YWHAQ: variants seen among roughly 807,000 people sequenced by gnomAD.
The protein encoded by YWHAQ is 14-3-3 protein theta.
YWHAQ carries 6 observed loss-of-function variants against 28.3 expected under a neutral mutation model. The ratio of observed to expected loss-of-function variants is 0.21; its 90% CI spans 0.12 to 0.42. The LOEUF is 0.42. Among genes scored for constraint, YWHAQ ranks in the 10% least tolerant of loss-of-function variants. The probability of loss-of-function intolerance (pLI) is 1.00; values close to 1 mark genes in which losing one functional copy is unlikely to be tolerated. For missense variants in YWHAQ, 201 were observed against 305.6 expected (o/e 0.66, Z 2.55); for synonymous variants, 143 against 119.1 (o/e 1.20, Z -1.31).
At chr2:9,598,282 C>T (rs1311079982) in intron 2 of YWHAQ, among the ~76,000 whole-genome samples, 3 of 152,122 alleles carry the variant, frequency 2.0e-5, no homozygotes, top group African/African-American at 7.2e-5. Context: ...TCATTTAATC[C>T]TATACCAAAT....
chr2:9,611,736 T>A (rs922925620), intron 2 of YWHAQ, among the ~76,000 whole-genome samples: 6 of 152,208 alleles, frequency 3.9e-5, no homozygotes, highest in Non-Finnish European at 5.9e-5. Context: ...AGTGGTGCGA[T>A]GTCAGCTCAC....
At position 9,604,465 on chromosome 2, in the gene YWHAQ, T is replaced by C. The variant is rs149510706; in HGVS notation, c.295-12950A>G. Among the ~76,000 whole-genome samples the C allele has an allele frequency of 9.2e-5, 14 of 152,330 alleles. No individual in the cohort carries two copies. The East Asian group carries it at 2.7e-3, about 29-fold the overall frequency. ...GGGCCAGTAATTTGGTTTTAGAGTA[T>C]GAGTTTAGATCAAGTTCCTCAGTTT... On this transcript the variant is annotated intron_variant, in intron 2 of 5. Transcript: ENST00000238081.
intron 2 of YWHAQ, among the ~76,000 whole-genome samples, chr2:9,628,187 A>G (rs1176017394): frequency 6.6e-6 from 1 of 152,202 alleles, no homozygotes; most frequent in Non-Finnish European, 1.5e-5. Flanking sequence ...TTGGCCACCA[A>G]GCCCCAGTTA....
intron 3 of YWHAQ, among the ~76,000 whole-genome samples, chr2:9,590,319 A>G (rs896812849): frequency 2.6e-5 from 4 of 152,232 alleles, no homozygotes; most frequent in African/African-American, 9.6e-5. Flanking sequence ...CAGTAACAGA[A>G]TAAGTAAGTT....
intron 2 of YWHAQ, among the ~76,000 whole-genome samples, chr2:9,611,781 G>A (rs1459779984): frequency 1.3e-5 from 2 of 152,008 alleles, no homozygotes; most frequent in Admixed American, 6.5e-5. Context: ...AGCGATTCTC[G>A]TGCCTCAGCC....
intron 2 of YWHAQ, among the ~76,000 whole-genome samples, chr2:9,623,349 C>T (rs1045543427): frequency 3.9e-5 from 6 of 152,166 alleles, no homozygotes; most frequent in East Asian, 1.9e-4. Context: ...TGGAAAAAAC[C>T]GCACATCTTT....
chr2:9,621,849 A>C (rs1434297736), intron 2 of YWHAQ, among the ~76,000 whole-genome samples: 7 of 152,222 alleles, frequency 4.6e-5, no homozygotes, highest in Admixed American at 3.3e-4. Context: ...ATGGAATACT[A>C]TGCAACCATA....
intron 2 of YWHAQ, among the ~76,000 whole-genome samples, chr2:9,595,659 T>C (rs905014756): frequency 4.8e-5 from 7 of 146,768 alleles, no homozygotes; most frequent in African/African-American, 1.5e-4. Context: ...AGCTGAGATA[T>C]TGCACTCCAG....
chr2:9,587,000 A>G (rs1271259383), intron 5 of YWHAQ, among the ~76,000 whole-genome samples: 2 of 152,230 alleles, frequency 1.3e-5, no homozygotes, highest in Non-Finnish European at 2.9e-5. Context: ...AAATGCTTGT[A>G]GAACATCATG....
intron 2 of YWHAQ, among the ~76,000 whole-genome samples, chr2:9,616,326 A>G (rs924277028): frequency 2.0e-5 from 3 of 152,202 alleles, no homozygotes; most frequent in African/African-American, 7.2e-5. Flanking sequence ...AAAATGGACT[A>G]AAGACCTAAA....
At chr2:9,616,146 A>C (rs1465425347) in intron 2 of YWHAQ, among the ~76,000 whole-genome samples, 2 of 152,214 alleles carry the variant, frequency 1.3e-5, no homozygotes, top group African/African-American at 2.4e-5. Context: ...AGAAATCATG[A>C]GTTTTCCTTA....
At position 9,630,576 on chromosome 2, in the gene YWHAQ, G is replaced by A. The variant is rs1398712131; in HGVS notation, c.-82-42C>T. 31 of 985,636 alleles carry A rather than the reference G, an allele frequency of 3.1e-5. No homozygotes were observed. The highest frequency in any genetic ancestry group is 3.1e-4 in the Middle Eastern group (1 of 3,228). The allele number at this position is 985,636 out of a possible 1,614,324, so 61.1% of individuals were successfully genotyped here. A position where few individuals can be genotyped will look rare whatever the true frequency, so the allele number is the denominator to read the frequency against. On this transcript the variant is annotated intron_variant, in intron 1 of 5. Transcript: ENST00000238081. This position sits in a 1 kb window ranked among gnomAD's most constrained non-coding sequence, Gnocchi z 5.6. ...CGGCGAGGCGAGAACAAAAAGCAGA[G>A]AGGGAGCGCCGTCAGACAATGCGGC...
intron 5 of YWHAQ, among the ~76,000 whole-genome samples, chr2:9,586,632 C>T (rs890317564): frequency 3.3e-5 from 5 of 152,182 alleles, no homozygotes; most frequent in African/African-American, 1.2e-4. Flanking sequence ...GCAGGGTCTT[C>T]GTTCCCCTTT....
chr2:9,597,634 CAA>C (rs562319001), intron 2 of YWHAQ, among the ~76,000 whole-genome samples: 22 of 75,306 alleles, frequency 2.9e-4, no homozygotes, highest in African/African-American at 3.9e-4. Flanking sequence ...AACTCCGTCT[CAA>C]AAAAAAAAAA....
At chr2:9,614,727 T>A (rs1209480957) in intron 2 of YWHAQ, among the ~76,000 whole-genome samples, 1 of 152,236 alleles carries the variant, frequency 6.6e-6, no homozygotes, top group African/African-American at 2.4e-5. Flanking sequence ...TATGGCAAAC[T>A]GAATTAAGCC....
chr2:9,597,430 G>A (rs1452772768), intron 2 of YWHAQ, among the ~76,000 whole-genome samples: 7 of 152,060 alleles, frequency 4.6e-5, no homozygotes, highest in Admixed American at 1.3e-4. Context: ...GGCGGATCAC[G>A]AGGTCAGGAG....
Position 9,591,518 on chromosome 2 carries a change from GAAAT to G in YWHAQ, c.295-7_295-4del, listed in dbSNP as rs747405548. 8.1e-6 allele frequency: 13 copies of G among 1,604,980 alleles called. No homozygotes were observed. In the South Asian group the frequency reaches 1.4e-4, roughly 18 times the overall value. ...ATTAAATATTTATCCAACAATTCCT[GAAAT>G]AAATAAGACAGAACATTAGGCACTA... On this transcript the variant is annotated splice_polypyrimidine_tract_variant and splice_region_variant and intron_variant, in intron 2 of 5. Coordinates refer to ENST00000238081, the MANE Select transcript of YWHAQ (RefSeq NM_006826.4).
At chr2:9,612,311 G>T (rs187071217) in intron 2 of YWHAQ, among the ~76,000 whole-genome samples, 1 of 152,066 alleles carries the variant, frequency 6.6e-6, no homozygotes, top group Non-Finnish European at 1.5e-5. Flanking sequence ...TTGCGGGCAC[G>T]TTAACTCCTT....
chr2:9,600,868 A>C (rs1191855016), intron 2 of YWHAQ, among the ~76,000 whole-genome samples: 1 of 152,216 alleles, frequency 6.6e-6, no homozygotes, highest in Non-Finnish European at 1.5e-5. Context: ...CAAAAAGATA[A>C]GGACTTCTAA....
Sources: gnomAD v4.1 joint callset for allele counts (sites outside exome capture counted in the v4.1 genomes callset) on GRCh38, gnomAD v4.1.1 for gene constraint, Gnocchi (gnomAD v3.1) non-coding constraint, MANE v1.5 for transcripts, NCBI Gene and HGNC (gene_info 2026-07-23, HGNC 2026-07-21) for gene names.